The following DUOX2 variants were observed in gnomAD, a reference collection of about 807,000 sequenced individuals.
The protein encoded by DUOX2 is NADH/NADPH thyroid oxidase p138-tox.
A neutral mutation model predicts 183.3 loss-of-function variants in DUOX2; 185 were observed. The ratio of observed to expected loss-of-function variants is 1.01; its 90% CI spans 0.90 to 1.14. The LOEUF is 1.14. Ranked by LOEUF, DUOX2 falls within the 50% of genes most tolerant of loss-of-function variation. The pLI is 0.00. For missense variants in DUOX2, 1,999 were observed against 2,022.9 expected, an observed-to-expected ratio of 0.99 and a Z score of 0.23; for synonymous variants, 788 against 812.4, an observed-to-expected ratio of 0.97 and a Z score of 0.51.
At chr15:45,111,725 C>G (rs1327460359) in intron 5 of DUOX2, 43 bp downstream of exon 5, 5 of 1,497,212 alleles carry the variant, frequency 3.3e-6, no homozygotes, top group African/African-American at 1.4e-5. Flanking sequence ...CAGGCCCCAC[C>G]TGGCTGGGGT....
Position 45,100,845 on chromosome 15 carries a change from A to C in DUOX2, c.2922-7T>G, listed in dbSNP as rs373997746. The C allele has an allele frequency of 7.9e-5, 125 of 1,591,968 alleles. 1 individual carries two copies. Among genetic ancestry groups the C allele is most frequent in the Non-Finnish European group, 1.0e-4 (120 of 1,160,308 alleles). ...CAGTCCCTGGGGGTGGGAGCTGAGA[A>C]AAAGAAATGGGGCTGTTCTCCCCTT... is the stretch of plus-strand genomic sequence containing the variant. On this transcript the variant is annotated splice_region_variant and splice_polypyrimidine_tract_variant and intron_variant, in intron 22 of 33. Coordinates refer to ENST00000389039, the MANE Select transcript of DUOX2 (RefSeq NM_001363711.2).
rs1195935837 is a variant in DUOX2 at position 45,108,070 on chromosome 15, G to A, written c.1551C>T (p.Tyr517=). ...QFVRLRDGDR[Y]WFENTRNGLF... is the part of the protein sequence containing the mutation. ...ACCCATTCCTGGTGTTCTCAAACCA[G>A]TAGCGGTCACCATCCCGCAGCCGTA... Residue 517 remains tyrosine (Y), a synonymous_variant, in exon 13 of 34, where the codon TAC becomes TAT. Transcript: ENST00000389039. 1 of 1,613,896 alleles carries A rather than the reference G, an allele frequency of 6.2e-7. No individual in the cohort carries two copies. The highest frequency in any genetic ancestry group is 1.3e-5 in the African/African-American group (1 of 74,872).
chr15:45,111,621 G>A (rs1462342262), intron 5 of DUOX2, 36 bp from the exon 6 acceptor site: 4 of 1,498,104 alleles, frequency 2.7e-6, no homozygotes, highest in Non-Finnish European at 3.5e-6. Context: ...CGGGTCGAGA[G>A]GCGGCGGCGG....
intron 1 of DUOX2, 70 bp from the exon 2 acceptor site, chr15:45,113,495 C>T (rs1397339293): frequency 4.1e-6 from 5 of 1,225,252 alleles, no homozygotes; most frequent in Middle Eastern, 1.9e-4. Context: ...TATGCCTCCC[C>T]TCTTGTTCCT....
At chr15:45,097,556 C>A (rs1566971783) in intron 28 of DUOX2, 58 bp downstream of exon 28, 3 of 1,613,546 alleles carry the variant, frequency 1.9e-6, no homozygotes, top group Non-Finnish European at 2.5e-6. Flanking sequence ...CCCTCTTTCA[C>A]CTTCCTGTCC....
chr15:45,108,503 CT>C, intron 12 of DUOX2: 1 of 599,492 alleles, frequency 1.7e-6, no homozygotes, highest in Non-Finnish European at 2.9e-6. Context: ...GCACACAGCC[CT>C]TGGGGTGGGA....
chr15:45,110,585 A>G, intron 8 of DUOX2, 61 bp from the exon 9 acceptor site: 5 of 1,613,822 alleles, frequency 3.1e-6, no homozygotes, highest in South Asian at 2.2e-5. Context: ...TCCTCCCATC[A>G]CAGGCACCTG....
chr15:45,097,997 C>T lies in DUOX2; in HGVS notation c.3565+12G>A, dbSNP rs1893951511. On this transcript the variant is annotated intron_variant, in intron 27 of 33. Coordinates refer to ENST00000389039, the MANE Select transcript of DUOX2 (RefSeq NM_001363711.2). ...GTCCTCAGACAGAACCCCCAGGTCC[C>T]ACGTTTCCTACCTGGGACGGTCTGG... is the stretch of plus-strand genomic sequence containing the variant. The T allele has an allele frequency of 6.2e-7, 1 of 1,613,920 alleles. No individual in the cohort carries two copies. The highest frequency in any genetic ancestry group is 8.5e-7 in the Non-Finnish European group (1 of 1,179,818).
In DUOX2 at chr15:45,104,246, C is replaced by T. The variant is rs776820651; in HGVS notation, c.2454G>A (p.Lys818=). ...TGGACTCCACAAACATGTCCTGGGGCTTGAGGCCCAGGGACTCGGCAAACT... is the reference window on the plus strand; with the variant it reads ...TGGACTCCACAAACATGTCCTGGGGTTTGAGGCCCAGGGACTCGGCAAACT... ...RAEFAESLGL[K]PQDMFVESMF... The change falls in exon 19 of 34, where the codon AAG becomes AAA. Residue 818 remains lysine (K), a synonymous_variant. Transcript: ENST00000389039. 14 of 1,613,966 alleles carry T rather than the reference C, an allele frequency of 8.7e-6. No individual in the cohort carries two copies. In the African/African-American group the frequency reaches 1.9e-4, roughly 22 times the overall value.
At chr15:45,106,007 C>T (rs939857894) in intron 17 of DUOX2, 118 bp downstream of exon 17, 34 of 1,410,758 alleles carry the variant, frequency 2.4e-5, no homozygotes, top group Non-Finnish European at 3.1e-5. Flanking sequence ...GAAAGGAGCC[C>T]CTCTCCCCAG....
chr15:45,104,658 G>C (rs1409954331), intron 18 of DUOX2, among the ~76,000 whole-genome samples: 3 of 152,194 alleles, frequency 2.0e-5, no homozygotes, highest in African/African-American at 7.2e-5. Context: ...AATGGAAAGT[G>C]AGAGAGCCTA....
chr15:45,106,484 CCCT>C, intron 16 of DUOX2, 41 bp downstream of exon 16: 2 of 1,605,560 alleles, frequency 1.2e-6, no homozygotes, highest in Non-Finnish European at 1.7e-6. Context: ...CCTGTCTCTC[CCCT>C]CCTCCGTCCC....
In DUOX2 at chr15:45,101,811, CA is replaced by C. The variant is rs764928295; in HGVS notation, c.2832del (p.Gly945GlufsTer51). 6.2e-7 allele frequency: 1 copy of C among 1,614,254 alleles called. No homozygotes were observed. Reference protein sequence around the residue: ...ELRFTQLCVKGGGGGGNGIRD... With the variant: ...ELRFTQLCVKXGGGGGNGIRD... ...CACTCACCATTTCCACCTCCACCTCCACCTTTGACACAGAGCTGCGTGAAGC... is the reference window on the plus strand; with the variant it reads ...CACTCACCATTTCCACCTCCACCTCCCCTTTGACACAGAGCTGCGTGAAGC... On this transcript the variant is annotated frameshift_variant, in exon 21 of 34. Transcript: ENST00000389039. LOFTEE classifies it high-confidence loss of function.
rs1894325656 is a variant in DUOX2, at chr15:45,109,688, G to C, written c.1132-62C>G. 12 of 1,541,842 alleles carry C rather than the reference G, an allele frequency of 7.8e-6. No individual in the cohort carries two copies. The Admixed American group carries it at 1.0e-4, about 13-fold the overall frequency. On this transcript the variant is annotated intron_variant, in intron 10 of 33. Transcript: ENST00000389039. ...CCAAAACTCGGTCTCTCTCAGCCTG[G>C]ACCACTTTAGTACCCCAGGACAAAG...
rs765110209 is a variant in DUOX2 at position 45,100,883 on chromosome 15, A to G, written c.2922-45T>C. The G allele has an allele frequency of 3.5e-6, 5 of 1,416,730 alleles. No individual in the cohort carries two copies. In the South Asian group the frequency reaches 4.6e-5, roughly 13 times the overall value. 87.8% of individuals were successfully genotyped at this position (1,416,730 alleles called of 1,614,324 possible). On this transcript the variant is annotated intron_variant, in intron 22 of 33. Transcript: ENST00000389039. ...CTGTTCTCCCCTTGTCTTTGCAGCCAGGAGAACAACTCCCTGGGCAGAGCA... is the reference window on the plus strand; with the variant it reads ...CTGTTCTCCCCTTGTCTTTGCAGCCGGGAGAACAACTCCCTGGGCAGAGCA...
rs977021576 is a variant in DUOX2 at position 45,110,427 on chromosome 15, C to G, written c.1040+1G>C. The G allele has an allele frequency of 1.9e-6, 3 of 1,613,332 alleles. No individual in the cohort carries two copies. Among genetic ancestry groups the G allele is most frequent in the Admixed American group, 1.7e-5 (1 of 59,968 alleles). On this transcript the variant is annotated splice_donor_variant, in intron 9 of 33. Coordinates refer to ENST00000389039, the MANE Select transcript of DUOX2 (RefSeq NM_001363711.2). LOFTEE classifies it high-confidence loss of function. Reference sequence around the variant, plus strand: ...CCCCTCTCTGCCAACCCCTCCCTCACCTCATGTAGACACCAGGGGGCACCA... The same window carrying G: ...CCCCTCTCTGCCAACCCCTCCCTCAGCTCATGTAGACACCAGGGGGCACCA...
Position 45,108,911 on chromosome 15 carries a change from C to T in DUOX2, c.1276G>A (p.Val426Met). Residue 426 changes from valine to methionine, a missense_variant, in exon 12 of 34, where the codon GTG (valine) becomes ATG (methionine). Val to Met is a conservative substitution (Grantham distance 21, BLOSUM62 1). This residue lies in a region of DUOX2 where 1,628 missense variants were observed against 1,608.6 expected (regional missense o/e 1.01). Transcript: ENST00000389039. ...CGGCCACGTTGGATGCTGCTGGCCA[C>T]ATAGTCTGTACGGGAGAATTTGCCA... is the stretch of plus-strand genomic sequence containing the variant. Reference protein sequence around the residue: ...GPGKFSRTDYVASSIQRGRDM... With the variant: ...GPGKFSRTDYMASSIQRGRDM... 6.2e-7 allele frequency: 1 copy of T among 1,614,254 alleles called. No homozygotes were observed. The highest frequency in any genetic ancestry group is 1.3e-5 in the African/African-American group (1 of 75,066).
At chr15:45,111,645 G>C in intron 5 of DUOX2, 60 bp from the exon 6 acceptor site, 1 of 1,453,050 alleles carries the variant, frequency 6.9e-7, no homozygotes, top group Non-Finnish European at 9.0e-7. Context: ...AGGGAAGGCC[G>C]GGGCCCGGCG....
chr15:45,101,642 C>A lies in DUOX2; in HGVS notation c.2851+151G>T, dbSNP rs969297065. 14 of 974,598 alleles carry A rather than the reference C, an allele frequency of 1.4e-5. No homozygotes were observed. The African/African-American group carries it at 2.1e-4, about 15-fold the overall frequency. 60.4% of individuals were successfully genotyped at this position (974,598 alleles called of 1,614,324 possible). A position where few individuals can be genotyped will look rare whatever the true frequency, so the allele number is the denominator to read the frequency against. ...CATTGTGCATTAGGCAACTTGCACA[C>A]CTACATGTGCCATCCCAATTACATG... On this transcript the variant is annotated intron_variant, in intron 21 of 33. Transcript: ENST00000389039.
Sources: allele counts gnomAD v4.1 joint callset (sites outside exome capture counted in the v4.1 genomes callset), GRCh38; gene constraint gnomAD v4.1.1; regional missense constraint gnomAD v4.1.1; transcripts MANE v1.5; gene names NCBI Gene and HGNC (gene_info 2026-07-23, HGNC 2026-07-21).